The following LRCH1 variants were observed in gnomAD, a reference collection of about 807,000 sequenced individuals.
LRCH1 encodes leucine rich repeats and calponin homology domain containing 1, also known as leucine-rich repeat and calponin homology domain-containing protein 1.
A neutral mutation model predicts 94.9 loss-of-function variants in LRCH1; 23 were observed. The observed-to-expected ratio is 0.24, with a 90% CI of 0.17 to 0.34. The LOEUF (loss-of-function observed/expected upper bound fraction) is 0.34. Among genes scored for constraint, LRCH1 ranks in the 10% least tolerant of loss-of-function variants. LRCH1 has a pLI of 1.00. For missense variants in LRCH1, 790 were observed against 945.9 expected (o/e 0.84, Z 2.16); for synonymous variants, 364 against 354.9 (o/e 1.03, Z -0.29).
chr13:46,561,581 G>A (rs2050130506), intron 1 of LRCH1, among the ~76,000 whole-genome samples: 1 of 152,178 alleles, frequency 6.6e-6, no homozygotes. Flanking sequence ...TGATGTTTAT[G>A]CCATACAGCG....
intron 9 of LRCH1, 79 bp downstream of exon 9, chr13:46,695,096 C>G (rs1871111912): frequency 6.5e-7 from 1 of 1,529,116 alleles, no homozygotes; most frequent in East Asian, 2.3e-5. Context: ...TGAAGGTTGC[C>G]AATCCATCCC....
intron 19 of LRCH1, among the ~76,000 whole-genome samples, chr13:46,737,957 G>C (rs1035875487): frequency 6.6e-5 from 10 of 152,170 alleles, no homozygotes; most frequent in African/African-American, 2.4e-4. Flanking sequence ...GTTCACCAGG[G>C]AAATTTTTCT....
At chr13:46,602,994 A>G (rs1310796461) in intron 1 of LRCH1, among the ~76,000 whole-genome samples, 1 of 151,846 alleles carries the variant, frequency 6.6e-6, no homozygotes, top group Non-Finnish European at 1.5e-5. Context: ...ATACATACAT[A>G]CATACATACA....
chr13:46,748,628 G>A (rs1874003957), downstream of LRCH1, among the ~76,000 whole-genome samples: 1 of 152,136 alleles, frequency 6.6e-6, no homozygotes, highest in African/African-American at 2.4e-5. Context: ...TTAACAGCCT[G>A]GCTCACAGCT....
intron 9 of LRCH1, among the ~76,000 whole-genome samples, chr13:46,698,485 T>TA (rs1430654685): frequency 4.1e-5 from 2 of 48,402 alleles, no homozygotes; most frequent in East Asian, 2.5e-3. Flanking sequence ...AACATTTGAG[T>TA]GATTCTGGAT....
rs1413245565 is a variant in LRCH1 at position 46,609,873 on chromosome 13, A to G, written c.308-40328A>G. Among the ~76,000 whole-genome samples the G allele has an allele frequency of 2.0e-5, 3 of 152,344 alleles. No individual in the cohort carries two copies. The East Asian group carries it at 5.8e-4, about 29-fold the overall frequency. ...CCTGGGCTCAGGGGCTGCCAGACACACACAGCTGCCTACGGGCAGGAAGGG... is the reference window on the plus strand; with the variant it reads ...CCTGGGCTCAGGGGCTGCCAGACACGCACAGCTGCCTACGGGCAGGAAGGG... On this transcript the variant is annotated intron_variant, in intron 1 of 19. Coordinates refer to ENST00000389797, the MANE Select transcript of LRCH1 (RefSeq NM_001164211.2).
intron 9 of LRCH1, among the ~76,000 whole-genome samples, chr13:46,697,209 C>T (rs1397490789): frequency 6.6e-6 from 1 of 152,212 alleles, no homozygotes; most frequent in African/African-American, 2.4e-5. Flanking sequence ...TTATCCAATA[C>T]TGAGCCCTAA....
intron 1 of LRCH1, among the ~76,000 whole-genome samples, chr13:46,619,096 CTTCCTTCCTTCCTTCCT>C (rs1243760920): frequency 1.7e-3 from 100 of 60,496 alleles, no homozygotes; most frequent in Middle Eastern, 0.01. Context: ...TCCTTCCTTC[CTTCCTTCCTTCCTTCCT>C]TTTTTTTGGT....
In LRCH1 at chr13:46,669,213, C is replaced by T. The variant is rs569785270; in HGVS notation, c.579+57C>T. 1.8e-5 allele frequency: 29 copies of T among 1,590,990 alleles called. No homozygotes were observed. The African/African-American group carries it at 3.2e-4, about 18-fold the overall frequency. ...TGTTGGTTGACTGATCATAGCCTCT[C>T]AAGGTATTCAGAAAACCTTTTTGCT... On this transcript the variant is annotated intron_variant, in intron 3 of 19. Transcript: ENST00000389797.
chr13:46,744,559 A>G lies in LRCH1; in HGVS notation c.*2711A>G. The G allele has an allele frequency of 1.0e-6, 1 of 985,440 alleles. No homozygotes were observed. The highest frequency in any genetic ancestry group is 1.7e-5 in the African/African-American group (1 of 57,354). The allele number at this position is 985,440 out of a possible 1,614,324, so 61.0% of individuals were successfully genotyped here. On this transcript the variant is annotated 3_prime_UTR_variant, in exon 20 of 20. Coordinates refer to ENST00000389797, the MANE Select transcript of LRCH1 (RefSeq NM_001164211.2). ...GGGCCCCGCAGAACTACAATGTATGATAATCGAGTATAAATTTCATCAATG... is the reference window on the plus strand; with the variant it reads ...GGGCCCCGCAGAACTACAATGTATGGTAATCGAGTATAAATTTCATCAATG...
Position 46,743,285 on chromosome 13 carries a change from A to C in LRCH1, c.*1437A>C. 5 of 985,558 alleles carry C rather than the reference A, an allele frequency of 5.1e-6. No homozygotes were observed. Among genetic ancestry groups the C allele is most frequent in the Non-Finnish European group, 6.0e-6 (5 of 829,648 alleles). The allele number at this position is 985,558 out of a possible 1,614,324, so 61.1% of individuals were successfully genotyped here. On this transcript the variant is annotated 3_prime_UTR_variant, in exon 20 of 20. Transcript: ENST00000389797. ...AAATATGGAAGACCCACATAGTTAG[A>C]AGAATATATTTATAAAGATTCCTTG...
At chr13:46,697,745 C>A (rs1238549015) in intron 9 of LRCH1, among the ~76,000 whole-genome samples, 2 of 152,268 alleles carry the variant, frequency 1.3e-5, no homozygotes, top group Admixed American at 6.5e-5. Context: ...ACCACGAATA[C>A]TGGTTTTGGG....
chr13:46,565,032 A>G (rs2050167252), intron 1 of LRCH1, among the ~76,000 whole-genome samples: 1 of 152,244 alleles, frequency 6.6e-6, no homozygotes, highest in African/African-American at 2.4e-5. Context: ...CTGCTCTGCC[A>G]GGACATGGCT....
At chr13:46,707,009 A>G (rs539428906) in intron 13 of LRCH1, among the ~76,000 whole-genome samples, 1 of 152,310 alleles carries the variant, frequency 6.6e-6, no homozygotes, top group South Asian at 2.1e-4. Flanking sequence ...TACACAATCA[A>G]TTTCAGTTAT....
chr13:46,681,898 T>A, intron 4 of LRCH1, 52 bp downstream of exon 4: 1 of 1,191,438 alleles, frequency 8.4e-7, no homozygotes, highest in Non-Finnish European at 1.2e-6. Context: ...CATTATTTTA[T>A]GTTTTGGGGG....
chr13:46,612,981 G>A (rs2050763933), intron 1 of LRCH1, among the ~76,000 whole-genome samples: 1 of 152,182 alleles, frequency 6.6e-6, no homozygotes, highest in Non-Finnish European at 1.5e-5. Flanking sequence ...TATATGCATT[G>A]ATGAATAATA....
chr13:46,723,435 C>T (rs1476264071), intron 17 of LRCH1, 105 bp downstream of exon 17: 2 of 853,022 alleles, frequency 2.3e-6, no homozygotes, highest in Non-Finnish European at 3.7e-6. Context: ...TCAAATCTAG[C>T]CAGGTCACTT....
At chr13:46,630,670 A>G (rs894697162) in intron 1 of LRCH1, among the ~76,000 whole-genome samples, 4 of 152,228 alleles carry the variant, frequency 2.6e-5, no homozygotes, top group African/African-American at 9.6e-5. Context: ...TGTTTGTTAA[A>G]TGTAAATTAT....
rs188828960 is a variant in LRCH1 at position 46,744,513 on chromosome 13, T to C, written c.*2665T>C. On this transcript the variant is annotated 3_prime_UTR_variant, in exon 20 of 20. Coordinates refer to ENST00000389797, the MANE Select transcript of LRCH1 (RefSeq NM_001164211.2). ...TGTTATTTTTAGGGAGAGACACTTA[T>C]GAAATGGGGCTGGTGGAAAGGGGCC... 47 of 985,396 alleles carry C rather than the reference T, an allele frequency of 4.8e-5. 1 individual carries two copies. The Admixed American group carries it at 2.1e-3, about 45-fold the overall frequency. 61.0% of individuals were successfully genotyped at this position (985,396 alleles called of 1,614,324 possible).
Sources: gnomAD v4.1 joint callset for allele counts (sites outside exome capture counted in the v4.1 genomes callset) on GRCh38, gnomAD v4.1.1 for gene constraint, MANE v1.5 for transcripts, NCBI Gene and HGNC (gene_info 2026-07-23, HGNC 2026-07-21) for gene names.